Variants in FHIP1A observed in about 807,000 individuals in gnomAD.
FHIP1A encodes FHF complex subunit HOOK interacting protein 1A, also known as FHF complex subunit HOOK-interacting protein 1A.
Under a neutral mutation model 88.6 loss-of-function variants are expected in FHIP1A, and 61 were observed. That is an observed-to-expected ratio of 0.69 (90% CI 0.56 to 0.85). The LOEUF (loss-of-function observed/expected upper bound fraction) is 0.85, where lower values mean the gene tolerates loss of function less well. FHIP1A is among the 40% of genes least tolerant of loss of function. FHIP1A has a pLI of 0.00. For missense variants in FHIP1A, 1,154 were observed against 1,273.5 expected (o/e 0.91, Z 1.43); for synonymous variants, 478 against 496.0 (o/e 0.96, Z 0.48).
intron 3 of FHIP1A, among the ~76,000 whole-genome samples, chr4:151,517,516 G>T (rs1445377929): frequency 5.9e-5 from 9 of 152,100 alleles, no homozygotes; most frequent in Admixed American, 5.2e-4. Context: ...GACTTTGGTT[G>T]TCTTCCCAGC....
At chr4:151,600,023 T>C (rs1469860912) in intron 7 of FHIP1A, among the ~76,000 whole-genome samples, 1 of 152,184 alleles carries the variant, frequency 6.6e-6, no homozygotes, top group East Asian at 1.9e-4. Flanking sequence ...AAATAACAGA[T>C]GTTTGTCTCT....
intron 4 of FHIP1A, among the ~76,000 whole-genome samples, 186 bp from the exon 5 acceptor site, chr4:151,577,264 C>G (rs370536612): frequency 1.1e-4 from 16 of 152,182 alleles, no homozygotes; most frequent in Admixed American, 8.5e-4. Flanking sequence ...CATCTTCTTT[C>G]TATAGTTTAA....
intron 2 of FHIP1A, among the ~76,000 whole-genome samples, chr4:151,455,644 G>A (rs1728941444): frequency 6.6e-6 from 1 of 152,178 alleles, no homozygotes; most frequent in Admixed American, 6.5e-5. Context: ...CTTCAGTGCT[G>A]TGGGTATTTT....
chr4:151,605,673 G>A (rs1478802387), intron 7 of FHIP1A, among the ~76,000 whole-genome samples: 3 of 152,184 alleles, frequency 2.0e-5, no homozygotes, highest in African/African-American at 7.2e-5. Flanking sequence ...AAGCCGCCGT[G>A]GAGCCCATTT....
chr4:151,650,194 C>T lies in FHIP1A; in HGVS notation c.2153C>T (p.Pro718Leu). ...AAGGAGCCAAAGCAAGAGAGGGAAC[C>T]TGAAGCAGCCCCAGAATCCAACTCA... ...EPKEPKQERE[P>L]EAAPESNSEL... The change falls in exon 11 of 14, where the codon CCT becomes CTT. Residue 718 changes from proline to leucine, a missense_variant. Pro to Leu is a moderately conservative substitution (Grantham distance 98). Coordinates refer to ENST00000435205, the MANE Select transcript of FHIP1A (RefSeq NM_001109977.3). 3 of 1,551,740 alleles carry T rather than the reference C, an allele frequency of 1.9e-6. No homozygotes were observed. Among genetic ancestry groups the T allele is most frequent in the South Asian group, 1.2e-5 (1 of 84,054 alleles).
At chr4:151,528,833 C>T (rs1030216339) in intron 3 of FHIP1A, among the ~76,000 whole-genome samples, 2 of 152,034 alleles carry the variant, frequency 1.3e-5, no homozygotes, top group African/African-American at 4.8e-5. Flanking sequence ...ATAATATTTT[C>T]CCCCCCTTCA....
At chr4:151,442,423 A>T (rs924407468) in intron 1 of FHIP1A, among the ~76,000 whole-genome samples, 6 of 152,110 alleles carry the variant, frequency 3.9e-5, no homozygotes, top group African/African-American at 1.4e-4. Flanking sequence ...CCCATGAGGG[A>T]CTGTGGCATG....
intron 7 of FHIP1A, among the ~76,000 whole-genome samples, chr4:151,604,866 A>G (rs115234945): frequency 6.6e-6 from 1 of 151,828 alleles, no homozygotes; most frequent in East Asian, 1.9e-4. Context: ...AAAAATACTA[A>G]TAATAATAAT....
chr4:151,543,360 G>A (rs954642794), intron 3 of FHIP1A, among the ~76,000 whole-genome samples: 1 of 152,078 alleles, frequency 6.6e-6, no homozygotes, highest in Non-Finnish European at 1.5e-5. Context: ...CAGCCCATAG[G>A]GATGGCTTTC....
intron 7 of FHIP1A, among the ~76,000 whole-genome samples, chr4:151,620,290 G>A (rs542687880): frequency 6.6e-6 from 1 of 152,318 alleles, no homozygotes; most frequent in African/African-American, 2.4e-5. Flanking sequence ...CCACCCACAG[G>A]AAGAGGCACC....
chr4:151,506,488 C>G (rs773428829), intron 3 of FHIP1A, among the ~76,000 whole-genome samples: 2 of 152,098 alleles, frequency 1.3e-5, no homozygotes, highest in Admixed American at 1.3e-4. Context: ...AAGCATGGCA[C>G]CAGCATCTGC....
At chr4:151,538,430 A>C (rs1732149155) in intron 3 of FHIP1A, among the ~76,000 whole-genome samples, 1 of 152,150 alleles carries the variant, frequency 6.6e-6, no homozygotes, top group African/African-American at 2.4e-5. Flanking sequence ...GTACTTTTTA[A>C]AATGCAGATT....
At chr4:151,473,237 G>A (rs992590193) in intron 2 of FHIP1A, among the ~76,000 whole-genome samples, 2 of 152,076 alleles carry the variant, frequency 1.3e-5, no homozygotes, top group Admixed American at 6.5e-5. Flanking sequence ...AAATGAAATA[G>A]TATTATGCAA....
intron 1 of FHIP1A, among the ~76,000 whole-genome samples, chr4:151,413,476 G>A (rs1346616593): frequency 6.6e-6 from 1 of 151,924 alleles, no homozygotes; most frequent in Admixed American, 6.6e-5. Context: ...ATTTTTTGAG[G>A]CAGAGTCTCG....
At chr4:151,476,018 C>T (rs894821858) in intron 2 of FHIP1A, among the ~76,000 whole-genome samples, 1 of 151,550 alleles carries the variant, frequency 6.6e-6, no homozygotes, top group Middle Eastern at 3.4e-3. Context: ...CCCACCATCG[C>T]ACCTGGCTAA....
intron 3 of FHIP1A, among the ~76,000 whole-genome samples, chr4:151,489,191 A>ATCCTGCTCAC: frequency 6.6e-6 from 1 of 152,324 alleles, no homozygotes; most frequent in Admixed American, 6.5e-5. Context: ...CTCACAGGAG[A>ATCCTGCTCAC]AGGATTTAAC....
Position 151,471,060 on chromosome 4 carries a change from C to G in FHIP1A, c.-247-11464C>G. Among the ~76,000 whole-genome samples, 2 of 152,028 alleles carry G rather than the reference C, an allele frequency of 1.3e-5. 1 individual carries two copies. Among genetic ancestry groups the G allele is most frequent in the Non-Finnish European group, 2.9e-5 (2 of 67,978 alleles). On this transcript the variant is annotated intron_variant, in intron 2 of 13. Transcript: ENST00000435205. ...TTTGTTGTTTCAATCTGAGGGGAAT[C>G]TTAGTATCTGGGGATCAATGAATGC...
intron 3 of FHIP1A, among the ~76,000 whole-genome samples, chr4:151,525,972 C>T (rs1041617948): frequency 1.3e-5 from 2 of 151,876 alleles, no homozygotes; most frequent in Admixed American, 1.3e-4. Flanking sequence ...AAGGAGCATG[C>T]TGCCTTCAAG....
At chr4:151,456,765 TTTACATTGGATTCCCAGAGCAGAG>T (rs1233630325) in intron 2 of FHIP1A, among the ~76,000 whole-genome samples, 1 of 152,138 alleles carries the variant, frequency 6.6e-6, no homozygotes, top group Non-Finnish European at 1.5e-5. Flanking sequence ...TTTGATTGCA[TTTACATTGGATTCCCAGAGCAGAG>T]GGTAAACAGA....
Sources: gnomAD v4.1 joint callset for allele counts (sites outside exome capture counted in the v4.1 genomes callset) on GRCh38, gnomAD v4.1.1 for gene constraint, MANE v1.5 for transcripts, NCBI Gene and HGNC (gene_info 2026-07-23, HGNC 2026-07-21) for gene names.